The following SOBP variants were observed in gnomAD, a reference collection of about 807,000 sequenced individuals.
SOBP encodes sine oculis-binding protein homolog.
SOBP carries 4 observed loss-of-function variants against 53.6 expected under a neutral mutation model. The ratio of observed to expected loss-of-function variants is 0.07; its 90% CI spans 0.04 to 0.17. SOBP has a LOEUF of 0.17. Among genes scored for constraint, SOBP ranks in the 10% least tolerant of loss-of-function variants. The pLI is 1.00. For missense variants in SOBP, 1,088 were observed against 1,204.7 expected (o/e 0.90, Z 1.43); for synonymous variants, 584 against 522.6 (o/e 1.12, Z -1.60).
At chr6:107,596,938 G>T (rs964359770) in intron 5 of SOBP, among the ~76,000 whole-genome samples, 1 of 152,168 alleles carries the variant, frequency 6.6e-6, no homozygotes, top group African/African-American at 2.4e-5. Context: ...TCCACATTCA[G>T]TATATCAAAT....
chr6:107,548,380 C>T (rs1179467401), intron 4 of SOBP, among the ~76,000 whole-genome samples: 1 of 151,622 alleles, frequency 6.6e-6, no homozygotes, highest in African/African-American at 2.4e-5. Context: ...GCAGCTGGGA[C>T]TACAGGCGCC....
At chr6:107,530,604 G>A (rs1320225723) in intron 3 of SOBP, among the ~76,000 whole-genome samples, 1 of 151,962 alleles carries the variant, frequency 6.6e-6, no homozygotes, top group East Asian at 1.9e-4. Flanking sequence ...TAAATTTTTT[G>A]AATAACCCAA....
chr6:107,588,340 T>TA (rs1252914025), intron 5 of SOBP, among the ~76,000 whole-genome samples: 1 of 152,216 alleles, frequency 6.6e-6, no homozygotes, highest in Non-Finnish European at 1.5e-5. Flanking sequence ...TCTGCACAGT[T>TA]ACAATTACAC....
chr6:107,574,595 C>T (rs1785170749), intron 4 of SOBP, among the ~76,000 whole-genome samples: 1 of 152,130 alleles, frequency 6.6e-6, no homozygotes, highest in Non-Finnish European at 1.5e-5. Context: ...AGGGATGTCT[C>T]CTTCCCCATC....
At chr6:107,599,031 C>A (rs926304636) in intron 5 of SOBP, among the ~76,000 whole-genome samples, 3 of 151,920 alleles carry the variant, frequency 2.0e-5, no homozygotes, top group African/African-American at 7.3e-5. Context: ...AAAGTAGGAA[C>A]GAAAGATTCT....
intron 4 of SOBP, among the ~76,000 whole-genome samples, chr6:107,562,178 A>T (rs977651946): frequency 5.3e-5 from 8 of 151,808 alleles, no homozygotes; most frequent in Non-Finnish European, 7.4e-5. Context: ...TTACAGGTGC[A>T]TGCCTCAGTT....
chr6:107,582,349 T>C (rs938996137), intron 4 of SOBP, among the ~76,000 whole-genome samples: 1 of 152,126 alleles, frequency 6.6e-6, no homozygotes, highest in South Asian at 2.1e-4. Context: ...AGTGAATTAG[T>C]GCTGATTCAG....
chr6:107,572,136 G>A (rs1482763688), intron 4 of SOBP, among the ~76,000 whole-genome samples: 1 of 152,124 alleles, frequency 6.6e-6, no homozygotes, highest in Non-Finnish European at 1.5e-5. Context: ...AAGAGATGAT[G>A]TTTCAGAAAG....
intron 4 of SOBP, among the ~76,000 whole-genome samples, chr6:107,542,889 G>A (rs975201563): frequency 4.6e-5 from 7 of 152,022 alleles, no homozygotes; most frequent in African/African-American, 9.7e-5. Flanking sequence ...CCGGTAGAGA[G>A]GTTAGGGCCT....
intron 6 of SOBP, among the ~76,000 whole-genome samples, chr6:107,653,243 G>A (rs1476910006): frequency 6.6e-6 from 1 of 152,196 alleles, no homozygotes; most frequent in Non-Finnish European, 1.5e-5. Context: ...TTTGGTGTGG[G>A]GACCACTATC....
intron 1 of SOBP, among the ~76,000 whole-genome samples, chr6:107,495,047 T>A (rs1782666050): frequency 6.6e-6 from 1 of 152,156 alleles, no homozygotes; most frequent in South Asian, 2.1e-4. Flanking sequence ...TATTTTAAGT[T>A]TTGCTGTTGA....
At chr6:107,525,638 T>G (rs1413369532) in intron 3 of SOBP, among the ~76,000 whole-genome samples, 1 of 152,260 alleles carries the variant, frequency 6.6e-6, no homozygotes, top group African/African-American at 2.4e-5. Flanking sequence ...TTTCTACCTT[T>G]TGATAATTGA....
intron 4 of SOBP, among the ~76,000 whole-genome samples, chr6:107,548,275 A>T: frequency 6.8e-6 from 1 of 146,824 alleles, no homozygotes. Flanking sequence ...TTTTTTTGAG[A>T]CAGAGTCTTG....
At position 107,661,281 on chromosome 6, in the gene SOBP, C is replaced by A. The variant is rs570502644; in HGVS notation, c.*3078C>A. Among the ~76,000 whole-genome samples the A allele has an allele frequency of 2.0e-5, 3 of 152,300 alleles. No homozygotes were observed. Among genetic ancestry groups the A allele is most frequent in the African/African-American group, 7.2e-5 (3 of 41,560 alleles). ...GCACAATTCTCTTGGGATATCAAAA[C>A]CATATATAAAGAGAAATAGAAACAA... On this transcript the variant is annotated 3_prime_UTR_variant, in exon 7 of 7. Coordinates refer to ENST00000317357, the MANE Select transcript of SOBP (RefSeq NM_018013.4).
intron 4 of SOBP, among the ~76,000 whole-genome samples, chr6:107,558,725 A>G (rs568582883): frequency 8.9e-4 from 135 of 151,670 alleles, no homozygotes; most frequent in Non-Finnish European, 1.8e-3. Context: ...AAACTGCAGA[A>G]TACCATGGGT....
chr6:107,598,228 T>C (rs1000729399), intron 5 of SOBP, among the ~76,000 whole-genome samples: 1 of 152,116 alleles, frequency 6.6e-6, no homozygotes, highest in Non-Finnish European at 1.5e-5. Context: ...TTCCAGTGTA[T>C]AATAAAGTGC....
chr6:107,656,309 A>C (rs368064760), intron 6 of SOBP, among the ~76,000 whole-genome samples: 1,155 of 19,678 alleles, frequency 0.059, 34 homozygotes, highest in East Asian at 0.14. Context: ...GAAAGAAAGA[A>C]AGAAAGAAAG....
intron 3 of SOBP, among the ~76,000 whole-genome samples, chr6:107,507,511 GC>G (rs1233951816): frequency 3.9e-5 from 6 of 152,020 alleles, no homozygotes; most frequent in Admixed American, 3.9e-4. Context: ...TCACCATGTT[GC>G]CCAGGCTGGT....
chr6:107,615,421 G>A (rs1276649103), intron 5 of SOBP, among the ~76,000 whole-genome samples: 3 of 152,176 alleles, frequency 2.0e-5, no homozygotes, highest in African/African-American at 7.2e-5. Flanking sequence ...TTGGAAATCA[G>A]AGGGACAAAG....
Sources: gnomAD v4.1 joint callset for allele counts (sites outside exome capture counted in the v4.1 genomes callset) on GRCh38, gnomAD v4.1.1 for gene constraint, MANE v1.5 for transcripts, NCBI Gene and HGNC (gene_info 2026-07-23, HGNC 2026-07-21) for gene names.